WDR7: variants seen among roughly 807,000 people sequenced by gnomAD.
WDR7 encodes WD repeat-containing protein 7.
WDR7 carries 46 observed loss-of-function variants against 169.4 expected under a neutral mutation model. The ratio of observed to expected loss-of-function variants is 0.27; its 90% CI spans 0.21 to 0.35. WDR7 has a LOEUF of 0.35. Ranked by LOEUF, WDR7 falls within the 10% of genes least tolerant of loss-of-function variation. The probability of loss-of-function intolerance (pLI) is 1.00; values close to 1 mark genes in which losing one functional copy is unlikely to be tolerated. For missense variants in WDR7, 1,534 were observed against 1,859.3 expected (o/e 0.83, Z 3.22); for synonymous variants, 612 against 666.8 (o/e 0.92, Z 1.27).
intron 25 of WDR7, among the ~76,000 whole-genome samples, chr18:56,954,053 T>G (rs2047217787): frequency 6.6e-6 from 1 of 152,222 alleles, no homozygotes; most frequent in Admixed American, 6.5e-5. Context: ...CAGTAGATAT[T>G]AAAGACATTA....
intron 20 of WDR7, among the ~76,000 whole-genome samples, chr18:56,877,271 CAAGAAG>C (rs1011016595): frequency 5.9e-5 from 9 of 152,052 alleles, no homozygotes; most frequent in African/African-American, 1.7e-4. Context: ...AGAAATGACT[CAAGAAG>C]AAGAAAGTCA....
chr18:56,833,849 C>T (rs2045355131), intron 20 of WDR7, among the ~76,000 whole-genome samples: 1 of 152,168 alleles, frequency 6.6e-6, no homozygotes, highest in Non-Finnish European at 1.5e-5. Flanking sequence ...TATTAATTTT[C>T]CTATTGCTAC....
intron 20 of WDR7, among the ~76,000 whole-genome samples, chr18:56,823,073 GA>G (rs1466212439): frequency 1.3e-5 from 2 of 152,088 alleles, no homozygotes; most frequent in Non-Finnish European, 2.9e-5. Flanking sequence ...TTAAAATACA[GA>G]AAAAAATGAT....
chr18:56,708,287 G>A (rs1488478435), intron 12 of WDR7, among the ~76,000 whole-genome samples: 3 of 151,996 alleles, frequency 2.0e-5, no homozygotes, highest in African/African-American at 7.2e-5. Flanking sequence ...GCCCACATCG[G>A]CCTCCCAAAG....
chr18:56,983,120 CA>C (rs1245999986), intron 26 of WDR7, among the ~76,000 whole-genome samples: 1 of 152,174 alleles, frequency 6.6e-6, no homozygotes, highest in Non-Finnish European at 1.5e-5. Context: ...GAAGGGACAA[CA>C]AGGGGTCCCA....
At chr18:56,676,553 T>A (rs1247412329) in intron 2 of WDR7, among the ~76,000 whole-genome samples, 1 of 152,236 alleles carries the variant, frequency 6.6e-6, no homozygotes, top group Non-Finnish European at 1.5e-5. Flanking sequence ...CATTGTATGT[T>A]TTTTGGTTTG....
chr18:56,776,040 C>T (rs2044238001), intron 16 of WDR7, among the ~76,000 whole-genome samples: 1 of 152,046 alleles, frequency 6.6e-6, no homozygotes, highest in Non-Finnish European at 1.5e-5. Flanking sequence ...GGTCCTTTTG[C>T]TTTTTCGTAT....
chr18:56,979,070 T>G (rs1416992751), intron 26 of WDR7, among the ~76,000 whole-genome samples: 1 of 152,142 alleles, frequency 6.6e-6, no homozygotes, highest in African/African-American at 2.4e-5. Context: ...GAAAAGGCAA[T>G]GTAGCAACAG....
Position 56,717,999 on chromosome 18 carries a change from T to C in WDR7, c.1614T>C (p.Ser538=). ...AGCACTGCATCTGCTCTGTAGCCAGTGACCACTCAGTAGGACTTCTAAGTT... is the reference window on the plus strand; with the variant it reads ...AGCACTGCATCTGCTCTGTAGCCAGCGACCACTCAGTAGGACTTCTAAGTT... The part of the protein sequence containing the change: ...RVQHCICSVA[S]DHSVGLLSLR... The change falls in exon 13 of 28, where the codon AGT becomes AGC. Residue 538 remains serine (S), a synonymous_variant. Transcript: ENST00000254442. 6.2e-7 allele frequency: 1 copy of C among 1,614,100 alleles called. No individual in the cohort carries two copies. Among genetic ancestry groups the C allele is most frequent in the South Asian group, 1.1e-5 (1 of 91,078 alleles).
At chr18:56,756,465 T>C (rs2043890535) in intron 14 of WDR7, 118 bp from the exon 15 acceptor site, 1 of 905,056 alleles carries the variant, frequency 1.1e-6, no homozygotes, top group South Asian at 2.3e-5. Flanking sequence ...ATGATATAGG[T>C]TCCTAGAAGG....
At chr18:56,918,184 C>G (rs1292991070) in intron 21 of WDR7, among the ~76,000 whole-genome samples, 1 of 152,174 alleles carries the variant, frequency 6.6e-6, no homozygotes, top group East Asian at 1.9e-4. Context: ...GCTGCAGTAT[C>G]TGTACTGCTC....
intron 16 of WDR7, among the ~76,000 whole-genome samples, chr18:56,759,752 CT>C (rs11286252): frequency 0.066 from 10,078 of 152,124 alleles, 774 homozygotes; most frequent in African/African-American, 0.19. Context: ...TGGCATTTTT[CT>C]TCCCTACTTT....
At chr18:56,723,875 T>A (rs975267536) in intron 13 of WDR7, among the ~76,000 whole-genome samples, 3 of 151,228 alleles carry the variant, frequency 2.0e-5, no homozygotes, top group Admixed American at 2.0e-4. Context: ...TATTTTCATT[T>A]AAAAACTTTT....
intron 20 of WDR7, among the ~76,000 whole-genome samples, chr18:56,831,197 A>G (rs562037289): frequency 2.6e-5 from 4 of 152,236 alleles, no homozygotes; most frequent in African/African-American, 9.6e-5. Flanking sequence ...CCTGGGAGGG[A>G]GAGAGAGCAA....
At chr18:56,908,817 C>T (rs1451301949) in intron 21 of WDR7, among the ~76,000 whole-genome samples, 1 of 152,174 alleles carries the variant, frequency 6.6e-6, no homozygotes, top group East Asian at 1.9e-4. Flanking sequence ...CTCTTTCCTT[C>T]CCATCATTCA....
chr18:56,899,066 ATTATG>A (rs1278054568), intron 21 of WDR7, among the ~76,000 whole-genome samples: 1 of 152,100 alleles, frequency 6.6e-6, no homozygotes, highest in Non-Finnish European at 1.5e-5. Context: ...AAAGTAGCTG[ATTATG>A]TTAAGAATTA....
intron 20 of WDR7, among the ~76,000 whole-genome samples, chr18:56,817,230 A>C (rs2044989285): frequency 6.6e-6 from 1 of 151,860 alleles, no homozygotes; most frequent in Non-Finnish European, 1.5e-5. Flanking sequence ...CTGTCATTCC[A>C]GCTACTCGGG....
At chr18:56,771,662 A>T (rs28602216) in intron 16 of WDR7, among the ~76,000 whole-genome samples, 1,652 of 149,046 alleles carry the variant, frequency 0.011, 41 homozygotes, top group African/African-American at 0.039. Flanking sequence ...TGGGCAGATC[A>T]CCTGAGGTCT....
At chr18:56,666,676 T>C (rs1010781544) in intron 1 of WDR7, among the ~76,000 whole-genome samples, 1 of 152,202 alleles carries the variant, frequency 6.6e-6, no homozygotes, top group Non-Finnish European at 1.5e-5. Context: ...TAATGAAGCT[T>C]TCTGATAAAT....
Sources: gnomAD v4.1 joint callset for allele counts (sites outside exome capture counted in the v4.1 genomes callset) on GRCh38, gnomAD v4.1.1 for gene constraint, MANE v1.5 for transcripts, NCBI Gene and HGNC (gene_info 2026-07-23, HGNC 2026-07-21) for gene names.